Variants in MRS2 observed in about 807,000 individuals in gnomAD.
MRS2 encodes the protein magnesium transporter MRS2 homolog, mitochondrial.
A neutral mutation model predicts 52.6 loss-of-function variants in MRS2; 40 were observed. That is an observed-to-expected ratio of 0.76 (90% confidence interval 0.59 to 0.99). MRS2 has a LOEUF of 0.99. MRS2 is among the 50% of genes least tolerant of loss of function. The pLI, the probability that MRS2 is intolerant of heterozygous loss-of-function variation, is 0.00. For missense variants in MRS2, 472 were observed against 532.7 expected (o/e 0.89, Z 1.12); for synonymous variants, 193 against 195.9 (o/e 0.98, Z 0.13).
rs752815593 is a variant in MRS2, at chr6:24,405,214, A to G, written c.237A>G (p.Leu79=). The G allele has an allele frequency of 3.7e-6, 6 of 1,613,880 alleles. No homozygotes were observed. In the South Asian group the frequency reaches 6.6e-5, roughly 18 times the overall value. ...CCTCTGACGTCTCTCAAGCCACTTTAGCCAGTGTAGCCCCAGTATTTACTG... is the reference window on the plus strand; with the variant it reads ...CCTCTGACGTCTCTCAAGCCACTTTGGCCAGTGTAGCCCCAGTATTTACTG... ...FRTSDVSQAT[L]ASVAPVFTVT... is the part of the protein sequence containing the mutation. The change falls in exon 2 of 11, where the codon TTA becomes TTG. Residue 79 remains leucine (L), a synonymous_variant. Transcript: ENST00000378386.
chr6:24,411,352 T>C (rs917101674), intron 4 of MRS2, among the ~76,000 whole-genome samples: 2 of 152,204 alleles, frequency 1.3e-5, no homozygotes, highest in Non-Finnish European at 2.9e-5. Flanking sequence ...TTCATATTGT[T>C]CTAAATTAGA....
At chr6:24,418,259 T>TAA (rs766838732) in intron 8 of MRS2, 23 bp downstream of exon 8, 12 of 1,523,872 alleles carry the variant, frequency 7.9e-6, no homozygotes, top group Non-Finnish European at 1.1e-5. Flanking sequence ...TATATAAAAC[T>TAA]AAGTTTTTTT....
At chr6:24,404,140 C>T (rs766326568) in intron 1 of MRS2, among the ~76,000 whole-genome samples, 5 of 152,202 alleles carry the variant, frequency 3.3e-5, no homozygotes, top group Admixed American at 6.5e-5. Context: ...AGTAACTCCT[C>T]GTCAGCACCT....
chr6:24,402,937 C>A lies in MRS2; in HGVS notation c.-110C>A. On this transcript the variant is annotated 5_prime_UTR_variant, in exon 1 of 11. Coordinates refer to ENST00000378386, the MANE Select transcript of MRS2 (RefSeq NM_020662.4). ...GCACGCCCCGCGCATGCCTGGTGCA[C>A]AGAGTCTGCAGGTCGGGCGGTAGCG... 1 of 1,055,850 alleles carries A rather than the reference C, an allele frequency of 9.5e-7. No homozygotes were observed. Among genetic ancestry groups the A allele is most frequent in the South Asian group, 1.6e-5 (1 of 60,778 alleles). The allele number at this position is 1,055,850 out of a possible 1,614,324, so 65.4% of individuals were successfully genotyped here.
intron 5 of MRS2, among the ~76,000 whole-genome samples, chr6:24,413,756 G>A (rs1417513262): frequency 6.6e-6 from 1 of 152,236 alleles, no homozygotes; most frequent in Non-Finnish European, 1.5e-5. Flanking sequence ...CTGTTTCACA[G>A]TAATTGTGCT....
At chr6:24,405,008 G>C (rs1310125166) in intron 1 of MRS2, among the ~76,000 whole-genome samples, 160 bp from the exon 2 acceptor site, 1 of 152,172 alleles carries the variant, frequency 6.6e-6, no homozygotes, top group Non-Finnish European at 1.5e-5. Context: ...GTCACTAACA[G>C]ATGTTAAAAT....
chr6:24,412,652 CA>C (rs1322118795), intron 5 of MRS2, among the ~76,000 whole-genome samples: 3 of 152,078 alleles, frequency 2.0e-5, no homozygotes, highest in Non-Finnish European at 4.4e-5. Context: ...ATCATTTCAT[CA>C]AGTCATTTTT....
intron 9 of MRS2, among the ~76,000 whole-genome samples, chr6:24,419,489 C>T (rs543389674): frequency 6.6e-6 from 1 of 152,258 alleles, no homozygotes; most frequent in South Asian, 2.1e-4. Flanking sequence ...ACGTACCAGG[C>T]GGTTTGCATA....
At position 24,415,151 on chromosome 6, in the gene MRS2, A is replaced by G. The variant is rs774743625; in HGVS notation, c.707A>G (p.Gln236Arg). ...AGAAGCAAACTGCACATTTTACTAC[A>G]GAATGGCAAAAGGTAAATATGGATG... ...VDRSKLHILL[Q>R]NGKSLSELET... The change falls in exon 6 of 11, where the codon CAG becomes CGG. Residue 236 changes from glutamine to arginine, a missense_variant. By Grantham distance (43) the Gln-to-Arg change is conservative. Transcript: ENST00000378386. The G allele has an allele frequency of 6.3e-7, 1 of 1,591,826 alleles. No individual in the cohort carries two copies. Among genetic ancestry groups the G allele is most frequent in the South Asian group, 1.1e-5 (1 of 88,436 alleles).
intron 9 of MRS2, among the ~76,000 whole-genome samples, chr6:24,421,999 A>C (rs889119950): frequency 1.3e-5 from 2 of 152,060 alleles, no homozygotes; most frequent in African/African-American, 4.8e-5. Flanking sequence ...AAATACAAAA[A>C]TTAGCTGGGC....
At chr6:24,403,695 A>C (rs1042727254) in intron 1 of MRS2, among the ~76,000 whole-genome samples, 3 of 152,238 alleles carry the variant, frequency 2.0e-5, no homozygotes, top group Non-Finnish European at 4.4e-5. Flanking sequence ...CTGGGATTAC[A>C]GGCGTGAGCC....
chr6:24,409,423 G>A (rs185388179), intron 3 of MRS2, 38 bp from the exon 4 acceptor site: 1 of 1,265,542 alleles, frequency 7.9e-7, no homozygotes, highest in East Asian at 2.4e-5. Context: ...GCCATTTAAT[G>A]TATTTGGTTT....
At chr6:24,411,934 CCA>C (rs1487928909) in intron 4 of MRS2, among the ~76,000 whole-genome samples, 1 of 141,446 alleles carries the variant, frequency 7.1e-6, no homozygotes, top group African/African-American at 2.6e-5. Flanking sequence ...GTGAATAATT[CCA>C]GTTTTATTGA....
chr6:24,419,727 C>G (rs1001545964), intron 9 of MRS2, among the ~76,000 whole-genome samples: 27 of 152,160 alleles, frequency 1.8e-4, no homozygotes, highest in Admixed American at 1.8e-3. Context: ...TGGTTTTGTA[C>G]AGTCATCCCT....
intron 1 of MRS2, 88 bp from the exon 2 acceptor site, chr6:24,405,080 A>G: frequency 2.5e-6 from 2 of 805,450 alleles, no homozygotes; most frequent in South Asian, 3.1e-5. Context: ...AATAGTCTGA[A>G]GGCCTCCACA....
intron 5 of MRS2, among the ~76,000 whole-genome samples, chr6:24,413,851 T>A (rs907974167): frequency 6.6e-6 from 1 of 152,248 alleles, no homozygotes; most frequent in Non-Finnish European, 1.5e-5. Context: ...CCAACTGGCA[T>A]GGAAGTGTTT....
chr6:24,425,213 T>G lies in MRS2; in HGVS notation c.*1519T>G, dbSNP rs1289662043. 6.6e-6 allele frequency: 1 copy of G among 152,242 alleles called. No homozygotes were observed. The highest frequency in any genetic ancestry group is 2.4e-5 in the African/African-American group (1 of 41,460). The allele number at this position is 152,242 out of a possible 1,614,324, so 9.4% of individuals were successfully genotyped here. On this transcript the variant is annotated 3_prime_UTR_variant, in exon 11 of 11. Coordinates refer to ENST00000378386, the MANE Select transcript of MRS2 (RefSeq NM_020662.4). ...ACCTCAGAGCACACTGCTGCTATTT[T>G]GGGTCGTATCACTGTAAAATACATA... is the stretch of plus-strand genomic sequence containing the variant.
Position 24,403,252 on chromosome 6 carries a change from G to A in MRS2, c.190+16G>A. 6.3e-7 allele frequency: 1 copy of A among 1,582,424 alleles called. No individual in the cohort carries two copies. The highest frequency in any genetic ancestry group is 1.1e-5 in the South Asian group (1 of 88,094). On this transcript the variant is annotated intron_variant, in intron 1 of 10. Coordinates refer to ENST00000378386, the MANE Select transcript of MRS2 (RefSeq NM_020662.4). Reference sequence around the variant, plus strand: ...CGCGTGGCAGGTACTGCCCTTCCCCGGCAACAGCCTTGGGACGCTGGTCTT... The same window carrying A: ...CGCGTGGCAGGTACTGCCCTTCCCCAGCAACAGCCTTGGGACGCTGGTCTT...
At position 24,425,429 on chromosome 6, in the gene MRS2, A is replaced by G. The variant is rs776367819; in HGVS notation, c.*1735A>G. The stretch of plus-strand genomic sequence containing the variant: ...AAAGGAAAAATAATGTAACTACCTC[A>G]TAAGTCTGATAAAAGGAAGTTGCTA... On this transcript the variant is annotated 3_prime_UTR_variant, in exon 11 of 11. Coordinates refer to ENST00000378386, the MANE Select transcript of MRS2 (RefSeq NM_020662.4). 2.0e-5 allele frequency: 3 copies of G among 152,272 alleles called. No individual in the cohort carries two copies. Among genetic ancestry groups the G allele is most frequent in the Non-Finnish European group, 2.9e-5 (2 of 68,046 alleles). The allele number at this position is 152,272 out of a possible 1,614,324, so 9.4% of individuals were successfully genotyped here.
Sources: gnomAD v4.1 joint callset for allele counts (sites outside exome capture counted in the v4.1 genomes callset) on GRCh38, gnomAD v4.1.1 for gene constraint, MANE v1.5 for transcripts, NCBI Gene and HGNC (gene_info 2026-07-23, HGNC 2026-07-21) for gene names.